Variants in ATXN2 observed in about 807,000 individuals in gnomAD.
ATXN2 encodes ataxin 2, also known as ataxin-2.
In ATXN2, 37 loss-of-function variants were observed where a neutral mutation model predicts 138.6. That is an observed-to-expected ratio of 0.27 (90% CI 0.21 to 0.35). The LOEUF (loss-of-function observed/expected upper bound fraction) is 0.35. Ranked by LOEUF, ATXN2 falls within the 10% of genes least tolerant of loss-of-function variation. The pLI is 1.00. For missense variants in ATXN2, 1,216 were observed against 1,480.3 expected, an observed-to-expected ratio of 0.82 and a Z score of 2.93; for synonymous variants, 549 against 543.7, an observed-to-expected ratio of 1.01 and a Z score of -0.13.
At chr12:111,500,005 T>C (rs1479650587) in intron 14 of ATXN2, among the ~76,000 whole-genome samples, 1 of 152,180 alleles carries the variant, frequency 6.6e-6, no homozygotes, top group Non-Finnish European at 1.5e-5. Context: ...CTTCACACAC[T>C]GTTGGTGGAC....
chr12:111,460,573 G>A (rs1875499344), intron 21 of ATXN2, among the ~76,000 whole-genome samples: 2 of 151,778 alleles, frequency 1.3e-5, no homozygotes, highest in Admixed American at 1.3e-4. Context: ...GAATCTCAGA[G>A]GTTTTTGTTT....
chr12:111,543,915 A>G (rs1881668740), intron 5 of ATXN2, among the ~76,000 whole-genome samples: 2 of 152,004 alleles, frequency 1.3e-5, no homozygotes, highest in African/African-American at 4.8e-5. Context: ...GTGTCTATAA[A>G]ATATTTTTAA....
chr12:111,514,046 C>T (rs628825), intron 10 of ATXN2, among the ~76,000 whole-genome samples: 57,108 of 151,962 alleles, frequency 0.38, 14,897 homozygotes, highest in East Asian at 0.89. Context: ...ACCACTAAAA[C>T]ATATGTACAT....
rs764349950 is a variant in ATXN2 at position 111,453,683 on chromosome 12, G to A, written c.3433C>T (p.Pro1145Ser). 6 of 1,602,434 alleles carry A rather than the reference G, an allele frequency of 3.7e-6. No homozygotes were observed. The highest frequency in any genetic ancestry group is 3.4e-5 in the South Asian group (3 of 89,446). ...TTAHFPYMTH[P>S]SVQAHHQQQL is the part of the protein sequence containing the mutation. ...CTGCACACACACGCCTCACCTGAAG[G>A]GTGCGTCATATAGGGGAAATGCGCT... is the stretch of plus-strand genomic sequence containing the variant. Residue 1145 changes from proline to serine, a missense_variant, in exon 24 of 25, where the codon CCT (proline) becomes TCT (serine). Transcript: ENST00000673436. The surrounding 1 kb of genome is among the most constrained non-coding windows in gnomAD (Gnocchi z 5.4).
chr12:111,586,906 T>A (rs1884372994), intron 1 of ATXN2, among the ~76,000 whole-genome samples: 1 of 152,098 alleles, frequency 6.6e-6, no homozygotes, highest in South Asian at 2.1e-4. Context: ...TTCTACTTGC[T>A]GCCAATATGT....
Position 111,489,133 on chromosome 12 carries a change from AATGCTAAGAGAGTCT to A in ATXN2, c.1936-368_1936-354del, listed in dbSNP as rs572635985. ...CAGACACTTCACAATAAAATGAGTA[AATGCTAAGAGAGTCT>A]ATAGAAAAAGCAACCTATAAAAAAG... On this transcript the variant is annotated intron_variant, in intron 14 of 24. Transcript: ENST00000673436. 1.2e-4 allele frequency among the ~76,000 whole-genome samples: 18 copies of A among 152,324 alleles called. No individual in the cohort carries two copies. In the South Asian group the frequency reaches 3.7e-3, roughly 32 times the overall value.
chr12:111,468,461 A>G (rs971268694), intron 20 of ATXN2: 4 of 152,224 alleles, frequency 2.6e-5, no homozygotes, highest in Non-Finnish European at 4.4e-5. Flanking sequence ...ATAAAACTAA[A>G]CACCTTTGAT....
At chr12:111,571,345 A>C (rs1168541650) in intron 1 of ATXN2, among the ~76,000 whole-genome samples, 1 of 152,234 alleles carries the variant, frequency 6.6e-6, no homozygotes, top group East Asian at 1.9e-4. Context: ...GGAAAATGGT[A>C]ATCTTTTTAT....
chr12:111,552,889 A>T lies in ATXN2; in HGVS notation c.420+17T>A. On this transcript the variant is annotated intron_variant, in intron 4 of 24. Transcript: ENST00000673436. The surrounding 1 kb of genome is among the most constrained non-coding windows in gnomAD (Gnocchi z 4.1). Reference sequence around the variant, plus strand: ...GTTCTTTTACTTTGTAAGAAAAAGAAAAAAAGTAAAAATTACCTTCGGACT... The same window carrying T: ...GTTCTTTTACTTTGTAAGAAAAAGATAAAAAGTAAAAATTACCTTCGGACT... 6.6e-7 allele frequency: 1 copy of T among 1,507,478 alleles called. No homozygotes were observed. Among genetic ancestry groups the T allele is most frequent in the Non-Finnish European group, 8.9e-7 (1 of 1,119,304 alleles). The allele number at this position is 1,507,478 out of a possible 1,614,324, so 93.4% of individuals were successfully genotyped here.
chr12:111,509,684 G>C, intron 13 of ATXN2, 65 bp from the exon 14 acceptor site: 1 of 1,009,848 alleles, frequency 9.9e-7, no homozygotes. Flanking sequence ...ATTCTTTTTA[G>C]TATGAGATGA....
intron 1 of ATXN2, among the ~76,000 whole-genome samples, chr12:111,581,087 G>A (rs1266914211): frequency 7.1e-6 from 1 of 140,186 alleles, no homozygotes; most frequent in Non-Finnish European, 1.5e-5. Context: ...AAGGAGCCAA[G>A]ATTGCCCCAC....
Position 111,452,801 on chromosome 12 carries a change from C to G in ATXN2, c.*11G>C, listed in dbSNP as rs376658853. The G allele has an allele frequency of 6.2e-6, 10 of 1,613,822 alleles. No homozygotes were observed. Among genetic ancestry groups the G allele is most frequent in the Non-Finnish European group, 8.5e-6 (10 of 1,179,918 alleles). On this transcript the variant is annotated 3_prime_UTR_variant, in exon 25 of 25. Coordinates refer to ENST00000673436, the MANE Select transcript of ATXN2 (RefSeq NM_001372574.1). ...GAGGGAATTTGGCCTTTCGGTTCCTCCAGGGCAGCCTTACAACTGCTGTTG... is the reference window on the plus strand; with the variant it reads ...GAGGGAATTTGGCCTTTCGGTTCCTGCAGGGCAGCCTTACAACTGCTGTTG...
chr12:111,517,005 G>C lies in ATXN2; in HGVS notation c.1166-642C>G, dbSNP rs574303233. ...TATTCATTGCTATTTCAAAAAAAAA[G>C]TCTTGACCTCATTAAACTAGAAAAA... On this transcript the variant is annotated intron_variant, in intron 9 of 24. Coordinates refer to ENST00000673436, the MANE Select transcript of ATXN2 (RefSeq NM_001372574.1). 7.5e-4 allele frequency among the ~76,000 whole-genome samples: 114 copies of C among 152,098 alleles called. 4 individuals carry two copies. The highest frequency in any genetic ancestry group is 4.1e-4 in the South Asian group (2 of 4,824).
chr12:111,497,929 C>T (rs7977725), intron 14 of ATXN2, among the ~76,000 whole-genome samples: 15,492 of 151,840 alleles, frequency 0.1, 2,654 homozygotes, highest in African/African-American at 0.35. Flanking sequence ...GGCAGGAGAA[C>T]GGCATGAACC....
intron 1 of ATXN2, among the ~76,000 whole-genome samples, chr12:111,579,699 CTT>C (rs553336363): frequency 3.4e-4 from 47 of 138,658 alleles, no homozygotes; most frequent in Admixed American, 5.1e-4. Flanking sequence ...TACAGACGAC[CTT>C]TTTTTTTTTT....
chr12:111,521,043 C>A (rs1380790836), intron 6 of ATXN2, 70 bp from the exon 7 acceptor site: 7 of 976,222 alleles, frequency 7.2e-6, no homozygotes, highest in Non-Finnish European at 1.1e-5. Flanking sequence ...TTATAACCAA[C>A]ATCTATATTA....
At chr12:111,521,281 C>T (rs1880143298) in intron 6 of ATXN2, among the ~76,000 whole-genome samples, 2 of 152,152 alleles carry the variant, frequency 1.3e-5, no homozygotes. Flanking sequence ...AGCCACCTTT[C>T]AGTTAGAGAC....
chr12:111,507,280 C>T (rs532958332), intron 14 of ATXN2, among the ~76,000 whole-genome samples: 4 of 151,396 alleles, frequency 2.6e-5, no homozygotes, highest in South Asian at 4.2e-4. Flanking sequence ...CCCGCTGCCC[C>T]GTCTGGGATG....
intron 18 of ATXN2, among the ~76,000 whole-genome samples, chr12:111,478,185 T>C (rs1215545376): frequency 1.3e-5 from 2 of 151,968 alleles, no homozygotes; most frequent in African/African-American, 4.8e-5. Context: ...GGCAGGTAGA[T>C]CACCTGAGGT....
Sources: allele counts gnomAD v4.1 joint callset (sites outside exome capture counted in the v4.1 genomes callset), GRCh38; gene constraint gnomAD v4.1.1; non-coding constraint Gnocchi (gnomAD v3.1); transcripts MANE v1.5; gene names NCBI Gene and HGNC (gene_info 2026-07-23, HGNC 2026-07-21).